NEMP2: variants seen among roughly 807,000 people sequenced by gnomAD.
The protein encoded by NEMP2 is UPF0571 transmembrane protein.
A neutral mutation model predicts 54.2 loss-of-function variants in NEMP2; 53 were observed. The ratio of observed to expected loss-of-function variants is 0.98; its 90% CI spans 0.78 to 1.23. The LOEUF is 1.23. Ranked by LOEUF, NEMP2 falls within the 50% of genes most tolerant of loss-of-function variation. NEMP2 has a pLI of 0.00. For synonymous variants in NEMP2, 197 were observed against 190.3 expected, an observed-to-expected ratio of 1.04 and a Z score of -0.29; for missense variants, 455 against 511.3, an observed-to-expected ratio of 0.89 and a Z score of 1.06.
chr2:190,437,014 A>G, the NEMP2 span: 4 of 1,614,218 alleles, frequency 2.5e-6, no homozygotes, highest in Non-Finnish European at 3.4e-6. The surrounding 1 kb of genome is among the most constrained non-coding windows in gnomAD (Gnocchi z 5.9). Context: ...GTTGCAGCGC[A>G]TGTGGGGCTC....
downstream of NEMP2, chr2:190,502,069 C>T (rs1285029180): frequency 6.6e-6 from 1 of 152,532 alleles, no homozygotes; most frequent in Admixed American, 6.6e-5. This position sits in a 1 kb window ranked among gnomAD's most constrained non-coding sequence, Gnocchi z 4.4. Flanking sequence ...AAATGAATAC[C>T]ATTTTTAAAT....
the NEMP2 span, among the ~76,000 whole-genome samples, chr2:190,572,833 G>GTTCATATATA: frequency 1.9e-4 from 9 of 47,866 alleles, no homozygotes; most frequent in South Asian, 8.0e-4. Context: ...CTTTTCATGA[G>GTTCATATATA]TATATATATA....
chr2:190,622,588 C>T, the NEMP2 span, among the ~76,000 whole-genome samples: 1 of 151,898 alleles, frequency 6.6e-6, no homozygotes, highest in African/African-American at 2.4e-5. Context: ...TAGAGTAAAC[C>T]TTTGTGACTT....
the NEMP2 span, chr2:190,609,926 G>C: frequency 6.6e-6 from 1 of 152,128 alleles, no homozygotes; most frequent in Non-Finnish European, 1.5e-5. The surrounding 1 kb of genome is among the most constrained non-coding windows in gnomAD (Gnocchi z 4.7). Context: ...GGTTGCTGCT[G>C]TTTTCTTCTA....
rs1261471356 is a variant in NEMP2, at chr2:190,533,054, G to A, written c.97+1505C>T. Among the ~76,000 whole-genome samples the A allele has an allele frequency of 6.6e-6, 1 of 152,192 alleles. No individual in the cohort carries two copies. Among genetic ancestry groups the A allele is most frequent in the Admixed American group, 6.5e-5 (1 of 15,286 alleles). On this transcript the variant is annotated intron_variant, in intron 1 of 8. Transcript: ENST00000409150. This position sits in a 1 kb window ranked among gnomAD's most constrained non-coding sequence, Gnocchi z 4.3. ...GGCTGTTACTATTATACTAAATGCG[G>A]TAACATAAAAACTTTAAAAACACCA... is the stretch of plus-strand genomic sequence containing the variant.
At chr2:190,566,867 AGT>A in the NEMP2 span, among the ~76,000 whole-genome samples, 26 of 152,156 alleles carry the variant, frequency 1.7e-4, no homozygotes, top group Non-Finnish European at 3.1e-4. Flanking sequence ...ACCATACAAA[AGT>A]GAAACCCATC....
the NEMP2 span, among the ~76,000 whole-genome samples, chr2:190,445,164 T>C: frequency 4.6e-5 from 7 of 152,156 alleles, no homozygotes; most frequent in Non-Finnish European, 1.0e-4. Context: ...GTTTTATTCA[T>C]CTGTAAATCT....
the NEMP2 span, among the ~76,000 whole-genome samples, chr2:190,552,650 T>C: frequency 6.6e-6 from 1 of 151,848 alleles, no homozygotes; most frequent in East Asian, 1.9e-4. Flanking sequence ...ATTCCAGGAG[T>C]TCGAGGCTAC....
Position 190,518,726 on chromosome 2 carries a change from G to C in NEMP2, c.518+10C>G, listed in dbSNP as rs1165051192. 1.3e-5 allele frequency: 20 copies of C among 1,517,784 alleles called. No homozygotes were observed. The highest frequency in any genetic ancestry group is 1.8e-5 in the Non-Finnish European group (20 of 1,134,352). 94.0% of individuals were successfully genotyped at this position (1,517,784 alleles called of 1,614,324 possible). On this transcript the variant is annotated intron_variant, in intron 4 of 8. Coordinates refer to ENST00000409150, the MANE Select transcript of NEMP2 (RefSeq NM_001142645.2). ...TTCACAAAGTTAAAAATATAAAAAGGAATACTTACTGACTCAGGGTCCTTG... is the reference window on the plus strand; with the variant it reads ...TTCACAAAGTTAAAAATATAAAAAGCAATACTTACTGACTCAGGGTCCTTG...
chr2:190,575,533 T>C, the NEMP2 span, among the ~76,000 whole-genome samples: 1 of 152,310 alleles, frequency 6.6e-6, no homozygotes, highest in South Asian at 2.1e-4. Flanking sequence ...TAATATAAAG[T>C]AGTCAAATAG....
At chr2:190,432,012 C>T in the NEMP2 span, among the ~76,000 whole-genome samples, 1 of 148,872 alleles carries the variant, frequency 6.7e-6, no homozygotes, top group African/African-American at 2.6e-5. Flanking sequence ...TTTCTCTGGA[C>T]TGATAGTGTT....
At chr2:190,616,119 C>G in the NEMP2 span, among the ~76,000 whole-genome samples, 1 of 152,224 alleles carries the variant, frequency 6.6e-6, no homozygotes, top group Non-Finnish European at 1.5e-5. The surrounding 1 kb of genome is among the most constrained non-coding windows in gnomAD (Gnocchi z 5.1). Context: ...ACTTCACCAC[C>G]TGAGACAATG....
chr2:190,596,398 T>C, the NEMP2 span, among the ~76,000 whole-genome samples: 2 of 152,188 alleles, frequency 1.3e-5, no homozygotes, highest in Non-Finnish European at 2.9e-5. The surrounding 1 kb of genome is among the most constrained non-coding windows in gnomAD (Gnocchi z 5.1). Flanking sequence ...TAAAGTATAA[T>C]AATAATTTAA....
chr2:190,567,094 A>G, the NEMP2 span, among the ~76,000 whole-genome samples: 6 of 152,316 alleles, frequency 3.9e-5, no homozygotes, highest in African/African-American at 9.6e-5. This position sits in a 1 kb window ranked among gnomAD's most constrained non-coding sequence, Gnocchi z 4.0. Flanking sequence ...AGCCTGAAAA[A>G]TTATGAGATT....
At chr2:190,477,037 C>T in the NEMP2 span, among the ~76,000 whole-genome samples, 2 of 122,730 alleles carry the variant, frequency 1.6e-5, no homozygotes, top group African/African-American at 6.6e-5. Context: ...GGGAACATCA[C>T]ACACTGGGGA....
the NEMP2 span, among the ~76,000 whole-genome samples, chr2:190,444,074 A>G: frequency 2.0e-5 from 3 of 152,180 alleles, no homozygotes; most frequent in African/African-American, 7.2e-5. Context: ...AAGGAGAAAA[A>G]ATGAGTAGTC....
the NEMP2 span, among the ~76,000 whole-genome samples, chr2:190,468,318 C>G: frequency 6.6e-6 from 1 of 152,130 alleles, no homozygotes; most frequent in Non-Finnish European, 1.5e-5. Flanking sequence ...TCATCCACAC[C>G]CTTCAACTTT....
chr2:190,633,064 CCT>C, the NEMP2 span, among the ~76,000 whole-genome samples: 456 of 152,182 alleles, frequency 3.0e-3, 6 homozygotes, highest in East Asian at 0.05. Context: ...CCTATTTTTC[CCT>C]GTTGAAATCT....
chr2:190,461,556 T>G, the NEMP2 span, among the ~76,000 whole-genome samples: 1 of 152,206 alleles, frequency 6.6e-6, no homozygotes, highest in Non-Finnish European at 1.5e-5. This position sits in a 1 kb window ranked among gnomAD's most constrained non-coding sequence, Gnocchi z 5.5. Flanking sequence ...GGCTGGGAAG[T>G]GCAAGATCAA....
Sources: allele counts gnomAD v4.1 joint callset (sites outside exome capture counted in the v4.1 genomes callset), GRCh38; gene constraint gnomAD v4.1.1; non-coding constraint Gnocchi (gnomAD v3.1); transcripts MANE v1.5; gene names NCBI Gene and HGNC (gene_info 2026-07-23, HGNC 2026-07-21).